DEPDC5: variants seen among roughly 807,000 people sequenced by gnomAD.
DEPDC5 encodes DEP domain containing 5, GATOR1 subcomplex subunit, also known as GATOR1 complex protein DEPDC5.
In DEPDC5, 73 loss-of-function variants were observed where a neutral mutation model predicts 217.3. The ratio of observed to expected loss-of-function variants is 0.34; its 90% confidence interval spans 0.28 to 0.41. The LOEUF is 0.41. DEPDC5 is among the 10% of genes least tolerant of loss of function. DEPDC5 has a pLI of 1.00. For synonymous variants in DEPDC5, 733 were observed against 756.7 expected, an observed-to-expected ratio of 0.97 and a Z score of 0.51; for missense variants, 1,675 against 2,070.1, an observed-to-expected ratio of 0.81 and a Z score of 3.70.
At chr22:31,798,513 G>A (rs2086509639) in intron 13 of DEPDC5, 69 bp from the exon 14 acceptor site, 9 of 1,413,036 alleles carry the variant, frequency 6.4e-6, no homozygotes, top group South Asian at 4.7e-5. Flanking sequence ...GCAAGGCTTC[G>A]TTTAAAATTA....
chr22:31,795,361 C>T (rs2086127290), intron 12 of DEPDC5, among the ~76,000 whole-genome samples: 1 of 151,184 alleles, frequency 6.6e-6, no homozygotes, highest in Non-Finnish European at 1.5e-5. Flanking sequence ...TGAGCCACTG[C>T]GCTGGGCCTC....
At chr22:31,891,161 C>T in intron 38 of DEPDC5, 1 of 501,998 alleles carries the variant, frequency 2.0e-6, no homozygotes, top group South Asian at 1.8e-5. Flanking sequence ...TTTGTAGGAG[C>T]TCCTTCTTTA....
intron 24 of DEPDC5, 95 bp from the exon 25 acceptor site, chr22:31,833,820 T>G: frequency 9.6e-7 from 1 of 1,038,546 alleles, no homozygotes; most frequent in Non-Finnish European, 1.4e-6. Flanking sequence ...TACATTTTTA[T>G]TTTTAGCTCC....
At chr22:31,861,054 A>T (rs1183626686) in intron 32 of DEPDC5, among the ~76,000 whole-genome samples, 2 of 152,034 alleles carry the variant, frequency 1.3e-5, no homozygotes, top group Non-Finnish European at 2.9e-5. Flanking sequence ...GAGCTTGGAC[A>T]CACCTTCCAA....
At chr22:31,874,499 TCTG>T (rs2092937584) in intron 36 of DEPDC5, 94 bp downstream of exon 36, 2 of 1,447,458 alleles carry the variant, frequency 1.4e-6, no homozygotes, top group African/African-American at 2.9e-5. Context: ...AGTAATGAGA[TCTG>T]CAGGTTGGGG....
chr22:31,793,956 C>T (rs2085964787), intron 12 of DEPDC5, among the ~76,000 whole-genome samples: 1 of 152,088 alleles, frequency 6.6e-6, no homozygotes, highest in African/African-American at 2.4e-5. Context: ...CTCTTCTAAG[C>T]ACTTTACATG....
At chr22:31,770,864 T>A (rs1270112474) in intron 7 of DEPDC5, among the ~76,000 whole-genome samples, 1 of 150,876 alleles carries the variant, frequency 6.6e-6, no homozygotes, top group Admixed American at 6.6e-5. Context: ...TGATCTTGTC[T>A]CACTGCAACC....
chr22:31,868,849 C>G (rs2149217083), intron 33 of DEPDC5, among the ~76,000 whole-genome samples: 1 of 152,308 alleles, frequency 6.6e-6, no homozygotes, highest in South Asian at 2.1e-4. Flanking sequence ...TCCAGAATTG[C>G]TCTAAAAGAC....
chr22:31,755,887 TTTTTGAGACAGAGTC>T (rs1039555002), intron 2 of DEPDC5, among the ~76,000 whole-genome samples: 1 of 152,052 alleles, frequency 6.6e-6, no homozygotes, highest in Non-Finnish European at 1.5e-5. Context: ...TGGCATTTTT[TTTTTGAGACAGAGTC>T]TCGCTCTGTC....
At chr22:31,811,622 T>C (rs1159619526) in intron 20 of DEPDC5, among the ~76,000 whole-genome samples, 1 of 151,096 alleles carries the variant, frequency 6.6e-6, no homozygotes, top group Non-Finnish European at 1.5e-5. Context: ...CGTTGACAGC[T>C]CACTGTAACC....
At chr22:31,763,153 G>C (rs1327227603) in intron 4 of DEPDC5, among the ~76,000 whole-genome samples, 6 of 151,998 alleles carry the variant, frequency 3.9e-5, no homozygotes, top group African/African-American at 1.5e-4. Context: ...ACCACACCTG[G>C]CTAATTTTTG....
intron 2 of DEPDC5, among the ~76,000 whole-genome samples, chr22:31,756,446 A>G (rs1286189494): frequency 6.6e-6 from 1 of 152,202 alleles, no homozygotes; most frequent in Non-Finnish European, 1.5e-5. Flanking sequence ...GTCTATTGTT[A>G]TTACTTTGAT....
intron 21 of DEPDC5, 46 bp downstream of exon 21, chr22:31,815,258 T>C: frequency 1.2e-6 from 2 of 1,601,740 alleles, no homozygotes; most frequent in Middle Eastern, 1.7e-4. Flanking sequence ...TCTTTCTTAA[T>C]ATAGTGGGTG....
chr22:31,826,758 C>T (rs1169865097), intron 24 of DEPDC5, among the ~76,000 whole-genome samples: 1 of 152,180 alleles, frequency 6.6e-6, no homozygotes, highest in Non-Finnish European at 1.5e-5. Context: ...TATCTTTATT[C>T]ATTTTCTCCA....
intron 11 of DEPDC5, 82 bp from the exon 12 acceptor site, chr22:31,792,663 A>T: frequency 1.0e-6 from 1 of 989,156 alleles, no homozygotes; most frequent in South Asian, 1.6e-5. Flanking sequence ...TGTGATGCAA[A>T]TCTTTAACCC....
chr22:31,887,452 A>G (rs576084319), intron 38 of DEPDC5, among the ~76,000 whole-genome samples: 37 of 150,842 alleles, frequency 2.5e-4, no homozygotes, highest in African/African-American at 8.8e-4. Flanking sequence ...GAAAAGTCAT[A>G]TGTCCAAAAA....
At chr22:31,756,545 C>T (rs534591237) in intron 2 of DEPDC5, among the ~76,000 whole-genome samples, 16 of 152,250 alleles carry the variant, frequency 1.1e-4, no homozygotes, top group South Asian at 4.1e-4. Context: ...GTATATACAA[C>T]GTATACAAAT....
At chr22:31,785,660 A>C (rs1203505429) in intron 10 of DEPDC5, among the ~76,000 whole-genome samples, 2 of 151,886 alleles carry the variant, frequency 1.3e-5, no homozygotes, top group Non-Finnish European at 1.5e-5. Flanking sequence ...ACAATCTTGT[A>C]AAAGGGGAAC....
At chr22:31,876,025 TG>T in intron 36 of DEPDC5, 131 bp from the exon 37 acceptor site, 1 of 663,376 alleles carries the variant, frequency 1.5e-6, no homozygotes, top group Non-Finnish European at 2.7e-6. Context: ...AAGTACAACA[TG>T]TCTAATCTGG....
Sources: allele counts gnomAD v4.1 joint callset (sites outside exome capture counted in the v4.1 genomes callset), GRCh38; gene constraint gnomAD v4.1.1; transcripts MANE v1.5; gene names NCBI Gene and HGNC (gene_info 2026-07-23, HGNC 2026-07-21).